Variants in CPEB3 observed in about 807,000 individuals in gnomAD.
CPEB3 encodes the protein cytoplasmic polyadenylation element-binding protein 3.
In CPEB3, 20 loss-of-function variants were observed where a neutral mutation model predicts 67.2. The observed-to-expected ratio is 0.30, with a 90% confidence interval of 0.21 to 0.43. The LOEUF is 0.43. Among genes scored for constraint, CPEB3 ranks in the 20% least tolerant of loss-of-function variants. The pLI is 1.00. For missense variants in CPEB3, 746 were observed against 968.6 expected (o/e 0.77, Z 3.05); for synonymous variants, 376 against 393.1 (o/e 0.96, Z 0.51).
intron 8 of CPEB3, among the ~76,000 whole-genome samples, chr10:92,082,242 G>A (rs1843182564): frequency 6.6e-6 from 1 of 151,980 alleles, no homozygotes; most frequent in South Asian, 2.1e-4. Flanking sequence ...TGTACTCCTT[G>A]TCACATTTCT....
intron 1 of CPEB3, among the ~76,000 whole-genome samples, chr10:92,287,705 T>A (rs1842596856): frequency 6.6e-6 from 1 of 152,210 alleles, no homozygotes; most frequent in Non-Finnish European, 1.5e-5. Flanking sequence ...TCACCCCTTT[T>A]AAGTGTACAA....
At chr10:92,282,805 C>T (rs1034225851) in intron 1 of CPEB3, among the ~76,000 whole-genome samples, 2 of 152,236 alleles carry the variant, frequency 1.3e-5, no homozygotes, top group Admixed American at 1.3e-4. Context: ...TCTACTTCAA[C>T]TACTTAACCT....
intron 6 of CPEB3, among the ~76,000 whole-genome samples, chr10:92,135,840 G>A (rs1376814968): frequency 1.3e-5 from 2 of 152,114 alleles, no homozygotes; most frequent in Non-Finnish European, 2.9e-5. Context: ...CATAAAAAAG[G>A]ATGAGTTCAT....
chr10:92,069,479 C>A (rs1000731254), intron 9 of CPEB3, among the ~76,000 whole-genome samples: 48 of 151,998 alleles, frequency 3.2e-4, no homozygotes, highest in African/African-American at 8.2e-4. Context: ...TCTCGGCTCA[C>A]TGCAACCTCC....
At chr10:92,197,213 C>T (rs937181510) in intron 2 of CPEB3, among the ~76,000 whole-genome samples, 2 of 152,152 alleles carry the variant, frequency 1.3e-5, no homozygotes, top group African/African-American at 2.4e-5. Context: ...AAACTTCAGG[C>T]CTCTGAGAGT....
Position 92,240,035 on chromosome 10 carries a change from A to G in CPEB3, c.316T>C (p.Ser106Pro). 6.2e-7 allele frequency: 1 copy of G among 1,600,674 alleles called. No individual in the cohort carries two copies. Among genetic ancestry groups the G allele is most frequent in the Non-Finnish European group, 8.5e-7 (1 of 1,174,414 alleles). Reference protein sequence around the residue: ...PAAPGASLSPSFGSTWSTGTT... With the variant: ...PAAPGASLSPPFGSTWSTGTT... ...CCCGTGGACCAGGTGCTGCCGAAGGACGGCGACAGCGACGCGCCCGGTGCC... is the reference window on the plus strand; with the variant it reads ...CCCGTGGACCAGGTGCTGCCGAAGGGCGGCGACAGCGACGCGCCCGGTGCC... The change falls in exon 2 of 10, where the codon TCC (serine) becomes CCC (proline). Residue 106 changes from serine to proline, a missense_variant. Around this residue, in one of 2 missense-constraint regions of CPEB3, gnomAD observed 643 missense variants for 717.5 expected, o/e 0.90. Transcript: ENST00000265997.
chr10:92,284,306 G>T (rs1348812757), intron 1 of CPEB3, among the ~76,000 whole-genome samples: 1 of 151,862 alleles, frequency 6.6e-6, no homozygotes, highest in Non-Finnish European at 1.5e-5. Flanking sequence ...CAAAGTGCTG[G>T]GATTACATGC....
intron 1 of CPEB3, among the ~76,000 whole-genome samples, chr10:92,246,277 T>C (rs1416303686): frequency 6.7e-6 from 1 of 148,798 alleles, no homozygotes; most frequent in East Asian, 2.0e-4. Context: ...GAGCTTGCAG[T>C]GAGCCAAGAT....
chr10:92,208,599 CT>C (rs1297759358), intron 2 of CPEB3, among the ~76,000 whole-genome samples: 9,398 of 132,784 alleles, frequency 0.071, 962 homozygotes, highest in African/African-American at 0.24. Flanking sequence ...TTTTTTCTTT[CT>C]TTTTTTTTTT....
intron 2 of CPEB3, among the ~76,000 whole-genome samples, chr10:92,215,450 C>CT (rs986114627): frequency 0.016 from 2,233 of 138,516 alleles, 51 homozygotes; most frequent in African/African-American, 0.055. Context: ...CTGCACCTGG[C>CT]TTTTTTTTTT....
intron 6 of CPEB3, among the ~76,000 whole-genome samples, chr10:92,134,518 A>G (rs577933221): frequency 6.6e-6 from 1 of 152,106 alleles, no homozygotes; most frequent in African/African-American, 2.4e-5. Flanking sequence ...AAAAGAGGAT[A>G]CAAACAAATG....
intron 7 of CPEB3, among the ~76,000 whole-genome samples, chr10:92,100,661 G>A (rs1281298325): frequency 6.6e-6 from 1 of 150,978 alleles, no homozygotes; most frequent in Non-Finnish European, 1.5e-5. Context: ...GCACGATCTC[G>A]GCTCACTGCA....
At chr10:92,130,696 T>C (rs1289770749) in intron 6 of CPEB3, among the ~76,000 whole-genome samples, 2 of 151,220 alleles carry the variant, frequency 1.3e-5, no homozygotes, top group African/African-American at 2.4e-5. Flanking sequence ...TCTATCTATG[T>C]GGATTTTAAG....
At chr10:92,161,265 T>G (rs1203843385) in intron 4 of CPEB3, among the ~76,000 whole-genome samples, 2 of 152,028 alleles carry the variant, frequency 1.3e-5, no homozygotes, top group African/African-American at 4.8e-5. Context: ...TTTGTTTCAT[T>G]TTGTTTTGGT....
chr10:92,220,543 A>G (rs1328788869), intron 2 of CPEB3, among the ~76,000 whole-genome samples: 3 of 147,562 alleles, frequency 2.0e-5, no homozygotes, highest in Non-Finnish European at 4.5e-5. Flanking sequence ...TATGGCAATG[A>G]AGTACCTGGT....
At chr10:92,152,455 T>C (rs1001616931) in intron 4 of CPEB3, among the ~76,000 whole-genome samples, 1 of 152,242 alleles carries the variant, frequency 6.6e-6, no homozygotes, top group Non-Finnish European at 1.5e-5. Flanking sequence ...TGTTGTAGCA[T>C]GTATCTGTAC....
chr10:92,213,504 G>A lies in CPEB3; in HGVS notation c.1006-20868C>T, dbSNP rs528051789. Among the ~76,000 whole-genome samples, 34 of 152,166 alleles carry A rather than the reference G, an allele frequency of 2.2e-4. No homozygotes were observed. The South Asian group carries it at 5.0e-3, about 22-fold the overall frequency. ...TACTTGTAGCAATCTACCTTATTTC[G>A]GTTCCTGGAATGGTAGAGTAGGAGA... On this transcript the variant is annotated intron_variant, in intron 2 of 9. Coordinates refer to ENST00000265997, the MANE Select transcript of CPEB3 (RefSeq NM_014912.5).
chr10:92,131,774 A>C (rs1845852987), intron 6 of CPEB3, among the ~76,000 whole-genome samples: 1 of 152,204 alleles, frequency 6.6e-6, no homozygotes, highest in Admixed American at 6.5e-5. Flanking sequence ...AGCAGGAGTC[A>C]ACATACGTTT....
At chr10:92,230,045 TAA>T (rs770816715) in intron 2 of CPEB3, among the ~76,000 whole-genome samples, 7 of 138,612 alleles carry the variant, frequency 5.1e-5, no homozygotes, top group Non-Finnish European at 4.7e-5. Flanking sequence ...AAACTCCGTC[TAA>T]AAAAAAAAAA....
Sources: gnomAD v4.1 joint callset for allele counts (sites outside exome capture counted in the v4.1 genomes callset) on GRCh38, gnomAD v4.1.1 for gene constraint, gnomAD v4.1.1 regional missense constraint, MANE v1.5 for transcripts, NCBI Gene and HGNC (gene_info 2026-07-23, HGNC 2026-07-21) for gene names.